TNKS1BP1: variants seen among roughly 807,000 people sequenced by gnomAD.
TNKS1BP1 encodes 182 kDa tankyrase-1-binding protein.
TNKS1BP1 carries 48 observed loss-of-function variants against 141.1 expected under a neutral mutation model. That is an observed-to-expected ratio of 0.34 (90% CI 0.27 to 0.43). The LOEUF (loss-of-function observed/expected upper bound fraction) is 0.43, where lower values mean the gene tolerates loss of function less well. Among genes scored for constraint, TNKS1BP1 ranks in the 20% least tolerant of loss-of-function variants. The pLI is 1.00. For synonymous variants in TNKS1BP1, 875 were observed against 898.2 expected (o/e 0.97, Z 0.46); for missense variants, 2,149 against 2,226.0 (o/e 0.97, Z 0.70).
intron 9 of TNKS1BP1, 103 bp downstream of exon 9, chr11:57,301,704 G>A: frequency 4.1e-6 from 6 of 1,463,282 alleles, no homozygotes; most frequent in Non-Finnish European, 5.6e-6. Flanking sequence ...AATGGGAGAG[G>A]GGGACAGGGG....
intron 3 of TNKS1BP1, 113 bp from the exon 4 acceptor site, chr11:57,318,000 C>A (rs1436757329): frequency 7.3e-6 from 7 of 954,512 alleles, no homozygotes; most frequent in Non-Finnish European, 1.2e-5. Context: ...AGGTTAAACC[C>A]TCCTAGCCAT....
chr11:57,316,760 T>C (rs1006778678), intron 4 of TNKS1BP1, among the ~76,000 whole-genome samples: 2 of 152,150 alleles, frequency 1.3e-5, no homozygotes, highest in Non-Finnish European at 2.9e-5. Context: ...CCCTGACTGG[T>C]CCATGCTGCT....
rs1475237028 is a variant in TNKS1BP1 at position 57,310,201 on chromosome 11, T to C, written c.2510A>G (p.Gln837Arg). 2 of 1,614,220 alleles carry C rather than the reference T, an allele frequency of 1.2e-6. No individual in the cohort carries two copies. The highest frequency in any genetic ancestry group is 8.5e-7 in the Non-Finnish European group (1 of 1,180,034). ...KPAQLGTQRS[Q>R]EADVQDWEFR... ...CTCCCAGTCCTGAACATCTGCCTCC[T>C]GGCTCCGCTGAGTGCCAAGCTGGGC... is the stretch of plus-strand genomic sequence containing the variant. The change falls in exon 6 of 12, where the codon CAG (glutamine) becomes CGG (arginine). Residue 837 changes from glutamine (Q) to arginine (R), a missense_variant. Gln to Arg is a conservative substitution (Grantham distance 43). Transcript: ENST00000358252.
chr11:57,303,046 G>A, intron 6 of TNKS1BP1: 1 of 476,786 alleles, frequency 2.1e-6, no homozygotes, highest in East Asian at 3.2e-5. Flanking sequence ...GACCTCGGGT[G>A]AGCCCCCTCC....
chr11:57,311,106 A>G, intron 5 of TNKS1BP1: 2 of 490,494 alleles, frequency 4.1e-6, no homozygotes, highest in Non-Finnish European at 5.3e-6. Flanking sequence ...CCGTCTGCTC[A>G]ATCTTCCCCA....
chr11:57,314,223 T>C (rs1043650860), intron 4 of TNKS1BP1, among the ~76,000 whole-genome samples: 2 of 152,216 alleles, frequency 1.3e-5, no homozygotes, highest in Non-Finnish European at 2.9e-5. Flanking sequence ...TCGGGGTCCA[T>C]AACACCTGCT....
rs1362826416 is a variant in TNKS1BP1, at chr11:57,309,543, C to G, written c.3168G>C (p.Glu1056Asp). 5.6e-6 allele frequency: 9 copies of G among 1,613,418 alleles called. No individual in the cohort carries two copies. The Admixed American group carries it at 1.5e-4, about 27-fold the overall frequency. Residue 1056 changes from glutamate to aspartate, a missense_variant, in exon 6 of 12, where the codon GAG becomes GAC. Coordinates refer to ENST00000358252, the MANE Select transcript of TNKS1BP1 (RefSeq NM_033396.3). The surrounding 1 kb of genome is among the most constrained non-coding windows in gnomAD (Gnocchi z 4.3). ...GCTGTCTCTCCTGATGCCCTCCCAC[C>G]TCCTGGCTAGCATCACTGTTTTGCC... ...SSWQNSDASQ[E>D]VGGHQERQQA...
chr11:57,313,130 T>C lies in TNKS1BP1; in HGVS notation c.1558A>G (p.Arg520Gly). ...CCCTGCTGAGACACTCCTTCTTCCC[T>C]GCTGGAAACGGCCAAGTTGCCAGCC... is the stretch of plus-strand genomic sequence containing the variant. ...AEAGNLAVSSREEGVSQQGQG... is the reference protein window; with the variant it reads ...AEAGNLAVSSGEEGVSQQGQG... Residue 520 changes from arginine to glycine, a missense_variant, in exon 5 of 12, where the codon AGG (arginine) becomes GGG (glycine). By Grantham distance (125) the Arg-to-Gly change is moderately radical. Transcript: ENST00000358252. The C allele has an allele frequency of 6.2e-7, 1 of 1,613,190 alleles. No homozygotes were observed. The highest frequency in any genetic ancestry group is 8.5e-7 in the Non-Finnish European group (1 of 1,180,028).
Position 57,321,832 on chromosome 11 carries a change from C to T in TNKS1BP1, c.54G>A (p.Arg18=). The T allele has an allele frequency of 1.9e-6, 3 of 1,614,094 alleles. No homozygotes were observed. Among genetic ancestry groups the T allele is most frequent in the Non-Finnish European group, 2.5e-6 (3 of 1,180,012 alleles). Residue 18 remains arginine (R), a synonymous_variant, in exon 2 of 12, where the codon CGG becomes CGA. Transcript: ENST00000358252. Reference sequence around the variant, plus strand: ...TAGGCACCAGCTCCTCCTCCATCTCCCGGGGCAGTGGGGAAGCCATGGCTG... The same window carrying T: ...TAGGCACCAGCTCCTCCTCCATCTCTCGGGGCAGTGGGGAAGCCATGGCTG... ...ESSAMASPLP[R]EMEEELVPTG...
At chr11:57,307,412 T>A (rs1269320277) in intron 6 of TNKS1BP1, among the ~76,000 whole-genome samples, 2 of 151,768 alleles carry the variant, frequency 1.3e-5, no homozygotes, top group African/African-American at 4.8e-5. Flanking sequence ...CTTCCTCAAA[T>A]CCCCCTGGGC....
At chr11:57,304,201 G>A (rs539719121) in intron 6 of TNKS1BP1, among the ~76,000 whole-genome samples, 6 of 152,264 alleles carry the variant, frequency 3.9e-5, no homozygotes, top group African/African-American at 4.8e-5. Flanking sequence ...CTGGAAGCCA[G>A]GCCCCAGGTT....
Position 57,302,916 on chromosome 11 carries a change from C to T in TNKS1BP1, c.4317-91G>A. 9 of 1,392,510 alleles carry T rather than the reference C, an allele frequency of 6.5e-6. No individual in the cohort carries two copies. The highest frequency in any genetic ancestry group is 8.5e-6 in the Non-Finnish European group (9 of 1,063,050). 86.3% of individuals were successfully genotyped at this position (1,392,510 alleles called of 1,614,324 possible). The stretch of plus-strand genomic sequence containing the variant: ...TTCACAAGCTCCTTCCCCCAGCCCC[C>T]AAACTCTCCCTTGCCCTCCTTCCCA... On this transcript the variant is annotated intron_variant, in intron 6 of 11. Transcript: ENST00000358252. This position sits in a 1 kb window ranked among gnomAD's most constrained non-coding sequence, Gnocchi z 5.5.
rs1855944899 is a variant in TNKS1BP1, at chr11:57,324,890, C to T, written c.-116G>A. On this transcript the variant is annotated 5_prime_UTR_variant, in exon 1 of 12. Transcript: ENST00000358252. ...TCGGCTCGGGGCCCCGATGCCAGTC[C>T]CCGCCGCCGCCGCCGCTGCTACCGC... 1.0e-6 allele frequency: 1 copy of T among 991,366 alleles called. No individual in the cohort carries two copies. Among genetic ancestry groups the T allele is most frequent in the African/African-American group, 1.8e-5 (1 of 57,090 alleles). 61.4% of individuals were successfully genotyped at this position (991,366 alleles called of 1,614,324 possible).
intron 5 of TNKS1BP1, among the ~76,000 whole-genome samples, chr11:57,310,773 AT>A (rs972465071): frequency 6.6e-6 from 1 of 152,162 alleles, no homozygotes; most frequent in African/African-American, 2.4e-5. Flanking sequence ...GTGTGAGAGG[AT>A]TAAATGAGAT....
chr11:57,306,926 G>C (rs1190930204), intron 6 of TNKS1BP1, among the ~76,000 whole-genome samples: 6 of 151,288 alleles, frequency 4.0e-5, no homozygotes, highest in Middle Eastern at 3.4e-3. Context: ...TGGGTGGGAG[G>C]GGGGCAGTGG....
At chr11:57,311,420 G>T in intron 5 of TNKS1BP1, 1 of 985,840 alleles carries the variant, frequency 1.0e-6, no homozygotes, top group Non-Finnish European at 1.2e-6. Context: ...CGGGCGCAGG[G>T]ATAGAGCTGG....
At position 57,313,606 on chromosome 11, in the gene TNKS1BP1, G is replaced by A. The variant is rs773574630; in HGVS notation, c.1082C>T (p.Ala361Val). The A allele has an allele frequency of 6.9e-6, 11 of 1,594,176 alleles. No individual in the cohort carries two copies. In the Admixed American group the frequency reaches 1.9e-4, roughly 28 times the overall value. ...TPSPGLPAEGAPEAPRPSSPP... is the reference protein window; with the variant it reads ...TPSPGLPAEGVPEAPRPSSPP... ...GCTGCTGGGTCTGGGGGCCTCTGGA[G>A]CCCCCTCGGCAGGGAGCCCCGGGCT... Residue 361 changes from alanine (A) to valine (V), a missense_variant, in exon 5 of 12, where the codon GCT (alanine) becomes GTT (valine). Physicochemically the swap from Ala to Val is moderately conservative, Grantham distance 64. Coordinates refer to ENST00000358252, the MANE Select transcript of TNKS1BP1 (RefSeq NM_033396.3).
rs749885153 is a variant in TNKS1BP1, at chr11:57,310,427, T to G, written c.2284A>C (p.Ser762Arg). ...CCGAGACCTGGGTCTCCTCTAGGGC[T>G]TGCACCCCCAAGGCCATAGTCCTGA... ...ASQDYGLGGA[S>R]PRGDPGLGER... Residue 762 changes from serine (S) to arginine (R), a missense_variant, in exon 6 of 12, where the codon AGC (serine) becomes CGC (arginine). By Grantham distance (110) the Ser-to-Arg change is moderately radical. Coordinates refer to ENST00000358252, the MANE Select transcript of TNKS1BP1 (RefSeq NM_033396.3). 1 of 1,613,900 alleles carries G rather than the reference T, an allele frequency of 6.2e-7. No homozygotes were observed.
In TNKS1BP1 at chr11:57,324,854, T is replaced by A; in HGVS notation, c.-80A>T. 1 of 982,832 alleles carries A rather than the reference T, an allele frequency of 1.0e-6. No individual in the cohort carries two copies. The highest frequency in any genetic ancestry group is 1.2e-6 in the Non-Finnish European group (1 of 830,636). The allele number at this position is 982,832 out of a possible 1,614,324, so 60.9% of individuals were successfully genotyped here. ...CGCGCACTCACGCGCTCGCCCGGGG[T>A]CCGGCTCCGCTCGGCTCGGGGCCCC... On this transcript the variant is annotated 5_prime_UTR_variant, in exon 1 of 12. Coordinates refer to ENST00000358252, the MANE Select transcript of TNKS1BP1 (RefSeq NM_033396.3).
Sources: gnomAD v4.1 joint callset for allele counts (sites outside exome capture counted in the v4.1 genomes callset) on GRCh38, gnomAD v4.1.1 for gene constraint, Gnocchi (gnomAD v3.1) non-coding constraint, MANE v1.5 for transcripts, NCBI Gene and HGNC (gene_info 2026-07-23, HGNC 2026-07-21) for gene names.